PCCB: variants seen among roughly 807,000 people sequenced by gnomAD.
PCCB encodes the protein propionyl-CoA carboxylase subunit beta, also known as propionyl-CoA carboxylase beta chain, mitochondrial.
PCCB carries 43 observed loss-of-function variants against 60.7 expected under a neutral mutation model. That is an observed-to-expected ratio of 0.71 (90% CI 0.55 to 0.91). The LOEUF is 0.91. Among genes scored for constraint, PCCB ranks in the 40% least tolerant of loss-of-function variants. The pLI is 0.00. For synonymous variants in PCCB, 276 were observed against 255.9 expected, an observed-to-expected ratio of 1.08 and a Z score of -0.75; for missense variants, 766 against 702.8, an observed-to-expected ratio of 1.09 and a Z score of -1.02.
chr3:136,299,626 GTATGCATGTGTATGTATGTA>G (rs1934129445), intron 8 of PCCB, among the ~76,000 whole-genome samples: 1 of 94,866 alleles, frequency 1.1e-5, no homozygotes, highest in Admixed American at 9.6e-5. Context: ...GTATGTATAG[GTATGCATGTGTATGTATGTA>G]TATGCATGTG....
intron 6 of PCCB, among the ~76,000 whole-genome samples, chr3:136,288,168 A>G (rs1013491447): frequency 2.0e-5 from 3 of 152,162 alleles, no homozygotes; most frequent in Non-Finnish European, 2.9e-5. Context: ...TTCTAAATTA[A>G]GGTATGTTTA....
intron 6 of PCCB, among the ~76,000 whole-genome samples, 188 bp from the exon 7 acceptor site, chr3:136,293,568 T>G (rs1933796664): frequency 6.6e-6 from 1 of 152,206 alleles, no homozygotes; most frequent in African/African-American, 2.4e-5. Context: ...CAGAAATTTT[T>G]TAAAAAAGAC....
At chr3:136,251,180 C>CTCTCGATGTT in intron 1 of PCCB, 1 of 456,140 alleles carries the variant, frequency 2.2e-6, no homozygotes, top group Non-Finnish European at 4.4e-6. Flanking sequence ...GCGCAGGCTA[C>CTCTCGATGTT]TCTCGATGTT....
intron 5 of PCCB, among the ~76,000 whole-genome samples, chr3:136,272,313 G>A (rs568557135): frequency 6.6e-6 from 1 of 152,128 alleles, no homozygotes; most frequent in South Asian, 2.1e-4. Context: ...ACACTGGTCT[G>A]TAGTTTTCTT....
At chr3:136,327,790 G>C in intron 13 of PCCB, 58 bp downstream of exon 13, 1 of 1,338,064 alleles carries the variant, frequency 7.5e-7, no homozygotes, top group Non-Finnish European at 1.1e-6. Context: ...ACCAGCGAGA[G>C]CTCAAGGCAT....
chr3:136,318,206 G>A (rs976345706), intron 10 of PCCB, among the ~76,000 whole-genome samples: 2 of 152,052 alleles, frequency 1.3e-5, no homozygotes, highest in Non-Finnish European at 2.9e-5. Flanking sequence ...TGAGCTGGGC[G>A]TGGTGGCACG....
chr3:136,298,701 G>A (rs1052878490), intron 8 of PCCB, among the ~76,000 whole-genome samples: 6 of 152,278 alleles, frequency 3.9e-5, no homozygotes, highest in South Asian at 4.1e-4. Flanking sequence ...TGTTGTGGAG[G>A]CACCATAGAG....
intron 10 of PCCB, among the ~76,000 whole-genome samples, chr3:136,322,959 C>T (rs916431577): frequency 4.8e-4 from 71 of 148,950 alleles, no homozygotes; most frequent in Non-Finnish European, 3.1e-4. Context: ...GCTGAGAAAT[C>T]ACTGGATAAT....
intron 13 of PCCB, 53 bp downstream of exon 13, chr3:136,327,785 C>A (rs1935381342): frequency 7.2e-7 from 1 of 1,390,964 alleles, no homozygotes; most frequent in Non-Finnish European, 1.0e-6. Flanking sequence ...ACTCTACCAG[C>A]GAGAGCTCAA....
At chr3:136,267,219 C>A (rs905506862) in intron 5 of PCCB, among the ~76,000 whole-genome samples, 1 of 152,144 alleles carries the variant, frequency 6.6e-6, no homozygotes, top group East Asian at 1.9e-4. Context: ...CAGGGTCTTG[C>A]TCTGTTGCCT....
intron 10 of PCCB, among the ~76,000 whole-genome samples, chr3:136,323,812 A>AAG (rs1470218943): frequency 6.1e-4 from 92 of 151,794 alleles, no homozygotes; most frequent in African/African-American, 2.2e-3. Context: ...CATCTCAAAA[A>AAG]AAAAAAAAAA....
chr3:136,262,171 G>T (rs943060576), intron 5 of PCCB, 106 bp downstream of exon 5: 5 of 766,772 alleles, frequency 6.5e-6, no homozygotes, highest in African/African-American at 5.2e-5. Context: ...CTGCCGCATT[G>T]TGTCTGTTCT....
chr3:136,299,635 T>C (rs1262160742), intron 8 of PCCB, among the ~76,000 whole-genome samples: 2 of 110,796 alleles, frequency 1.8e-5, no homozygotes, highest in Non-Finnish European at 3.7e-5. Context: ...GGTATGCATG[T>C]GTATGTATGT....
At chr3:136,298,562 A>G (rs977831264) in intron 8 of PCCB, among the ~76,000 whole-genome samples, 38 of 152,324 alleles carry the variant, frequency 2.5e-4, no homozygotes, top group Non-Finnish European at 3.1e-4. Context: ...AAATGATGCA[A>G]ACAGCATGCC....
At chr3:136,264,888 A>AG (rs1369784356) in intron 5 of PCCB, among the ~76,000 whole-genome samples, 1 of 149,482 alleles carries the variant, frequency 6.7e-6, no homozygotes, top group African/African-American at 2.5e-5. Flanking sequence ...AAAAAAAAAA[A>AG]AAAAAAAGAG....
At chr3:136,298,127 C>T in intron 8 of PCCB, 55 bp downstream of exon 8, 1 of 1,611,398 alleles carries the variant, frequency 6.2e-7, no homozygotes, top group Non-Finnish European at 8.5e-7. Flanking sequence ...TTGCCTTTCT[C>T]TGCCCTGACA....
intron 6 of PCCB, among the ~76,000 whole-genome samples, chr3:136,290,021 A>G (rs769727168): frequency 2.4e-4 from 36 of 152,176 alleles, no homozygotes; most frequent in African/African-American, 8.0e-4. Flanking sequence ...ACATAATTCA[A>G]TTGTACATAA....
chr3:136,317,587 A>G (rs1934954438), intron 10 of PCCB, among the ~76,000 whole-genome samples: 1 of 152,136 alleles, frequency 6.6e-6, no homozygotes, highest in Non-Finnish European at 1.5e-5. Flanking sequence ...TCAAAGGTTT[A>G]TAGGAAACTT....
At chr3:136,268,872 A>T (rs1406008184) in intron 5 of PCCB, among the ~76,000 whole-genome samples, 3 of 151,896 alleles carry the variant, frequency 2.0e-5, no homozygotes, top group African/African-American at 7.3e-5. Flanking sequence ...TGAGTCTTCC[A>T]CTCCACGTAG....
Sources: allele counts gnomAD v4.1 joint callset (sites outside exome capture counted in the v4.1 genomes callset), GRCh38; gene constraint gnomAD v4.1.1; transcripts MANE v1.5; gene names NCBI Gene and HGNC (gene_info 2026-07-23, HGNC 2026-07-21).